The following AAK1 variants were observed in gnomAD, a reference collection of about 807,000 sequenced individuals.
AAK1 encodes AP2-associated protein kinase 1.
A neutral mutation model predicts 116.0 loss-of-function variants in AAK1; 37 were observed. The observed-to-expected ratio is 0.32, with a 90% CI of 0.25 to 0.42. The LOEUF (loss-of-function observed/expected upper bound fraction) is 0.42. AAK1 is among the 10% of genes least tolerant of loss of function. The pLI is 1.00. For missense variants in AAK1, 919 were observed against 1,170.6 expected (o/e 0.79, Z 3.14); for synonymous variants, 458 against 439.9 (o/e 1.04, Z -0.51).
At position 69,530,066 on chromosome 2, in the gene AAK1, A is replaced by G. The variant is rs1394414484; in HGVS notation, c.813T>C (p.Asp271=). 8.7e-6 allele frequency: 14 copies of G among 1,609,878 alleles called. No homozygotes were observed. The highest frequency in any genetic ancestry group is 1.3e-5 in the African/African-American group (1 of 74,880). ...AATTATCAGGAATTGTGAAGTTTCC[A>G]TCACAAATTGCCACCTGACTTTCCC... is the stretch of plus-strand genomic sequence containing the variant. The part of the protein sequence containing the change: ...PFGESQVAIC[D]GNFTIPDNSR... Residue 271 remains aspartate, a synonymous_variant, in exon 8 of 22, where the codon GAT becomes GAC. Transcript: ENST00000409085.
intron 2 of AAK1, among the ~76,000 whole-genome samples, chr2:69,611,797 T>C (rs1053519329): frequency 3.3e-5 from 5 of 152,174 alleles, no homozygotes; most frequent in African/African-American, 1.2e-4. Context: ...AGACATGCAA[T>C]GGAATATTAT....
intron 2 of AAK1, among the ~76,000 whole-genome samples, chr2:69,565,781 C>T (rs1172492419): frequency 6.6e-6 from 1 of 151,690 alleles, no homozygotes; most frequent in Non-Finnish European, 1.5e-5. Context: ...AACCTGGGTG[C>T]ACTATTCAGG....
intron 17 of AAK1, among the ~76,000 whole-genome samples, chr2:69,486,939 G>T (rs1396963522): frequency 2.0e-5 from 3 of 152,102 alleles, no homozygotes; most frequent in Non-Finnish European, 4.4e-5. Flanking sequence ...GTTAGCATTG[G>T]AAAGAACCTC....
At chr2:69,639,442 C>T (rs1316457996) in intron 2 of AAK1, among the ~76,000 whole-genome samples, 1 of 152,158 alleles carries the variant, frequency 6.6e-6, no homozygotes, top group Non-Finnish European at 1.5e-5. Context: ...AAAATATTCT[C>T]CCTGGCACCC....
At chr2:69,598,581 G>A (rs1673413677) in intron 2 of AAK1, 1 of 151,884 alleles carries the variant, frequency 6.6e-6, no homozygotes, top group South Asian at 2.1e-4. Context: ...GTGCAGTGGT[G>A]TGATTTCAGC....
intron 2 of AAK1, among the ~76,000 whole-genome samples, chr2:69,641,146 T>C (rs34204324): frequency 0.14 from 21,281 of 152,170 alleles, 3,203 homozygotes; most frequent in East Asian, 0.39. Flanking sequence ...CCCTATCACT[T>C]CTCTCACACT....
chr2:69,569,037 A>G (rs1383469560), intron 2 of AAK1, among the ~76,000 whole-genome samples: 1 of 152,132 alleles, frequency 6.6e-6, no homozygotes, highest in Non-Finnish European at 1.5e-5. Context: ...GATGCCCCTT[A>G]GCTCAGGCCT....
intron 10 of AAK1, 90 bp from the exon 11 acceptor site, chr2:69,521,078 G>C: frequency 7.2e-7 from 1 of 1,392,110 alleles, no homozygotes; most frequent in Non-Finnish European, 1.0e-6. Context: ...CTTCCACATC[G>C]ACCCAAACCT....
At chr2:69,505,695 C>A in intron 15 of AAK1, 22 bp from the exon 16 acceptor site, 1 of 1,592,452 alleles carries the variant, frequency 6.3e-7, no homozygotes, top group Non-Finnish European at 8.6e-7. Context: ...AAACACCACT[C>A]AGTTCATTCT....
chr2:69,588,488 A>T (rs1047636863), intron 2 of AAK1, among the ~76,000 whole-genome samples: 1 of 152,204 alleles, frequency 6.6e-6, no homozygotes, highest in Non-Finnish European at 1.5e-5. Flanking sequence ...CCTCTCTGTT[A>T]TAACGGTTTG....
In AAK1 at chr2:69,469,055, T is replaced by C. The variant is rs1488628121; in HGVS notation, c.*6814A>G. 2 of 985,308 alleles carry C rather than the reference T, an allele frequency of 2.0e-6. No individual in the cohort carries two copies. Among genetic ancestry groups the C allele is most frequent in the Non-Finnish European group, 2.4e-6 (2 of 829,934 alleles). 61.0% of individuals were successfully genotyped at this position (985,308 alleles called of 1,614,324 possible). On this transcript the variant is annotated 3_prime_UTR_variant, in exon 22 of 22. Coordinates refer to ENST00000409085, the MANE Select transcript of AAK1 (RefSeq NM_014911.5). ...TCCTTCAAAACAAGGACAAGAGCTA[T>C]TTCCTATCTTTCTTTCAGCATCAAC...
At chr2:69,599,134 G>C (rs1331549805) in intron 2 of AAK1, among the ~76,000 whole-genome samples, 1 of 152,122 alleles carries the variant, frequency 6.6e-6, no homozygotes, top group Non-Finnish European at 1.5e-5. Flanking sequence ...TTCAAGTCAG[G>C]CTCTTTAAAG....
chr2:69,572,697 T>C lies in AAK1; in HGVS notation c.164-15719A>G, dbSNP rs1462322518. ...TGAGTCTTGAGTGCCCCTTAAATTC[T>C]GCACTTGAGGCGAGTGGCTCACCCC... On this transcript the variant is annotated intron_variant, in intron 2 of 21. Coordinates refer to ENST00000409085, the MANE Select transcript of AAK1 (RefSeq NM_014911.5). 2.0e-5 allele frequency among the ~76,000 whole-genome samples: 3 copies of C among 151,874 alleles called. No homozygotes were observed. The East Asian group carries it at 5.8e-4, about 29-fold the overall frequency.
intron 2 of AAK1, among the ~76,000 whole-genome samples, chr2:69,616,110 C>G (rs536935629): frequency 6.6e-6 from 1 of 152,018 alleles, no homozygotes; most frequent in Non-Finnish European, 1.5e-5. Context: ...CCTTTTCGGG[C>G]GATGAAAATG....
intron 2 of AAK1, among the ~76,000 whole-genome samples, chr2:69,623,332 C>G (rs1003059622): frequency 2.4e-4 from 36 of 152,178 alleles, no homozygotes; most frequent in Admixed American, 2.3e-3. Context: ...GGACACATTA[C>G]GACTGCCAAA....
chr2:69,548,536 C>T (rs1263329013), intron 3 of AAK1, among the ~76,000 whole-genome samples: 1 of 145,544 alleles, frequency 6.9e-6, no homozygotes, highest in Non-Finnish European at 1.5e-5. Flanking sequence ...CTTTCTCTCT[C>T]TCTTCCTTCC....
chr2:69,587,370 C>A (rs1305858559), intron 2 of AAK1, among the ~76,000 whole-genome samples: 1 of 101,180 alleles, frequency 9.9e-6, no homozygotes, highest in Non-Finnish European at 1.8e-5. Flanking sequence ...TATGCGTGTA[C>A]ACACACATAT....
chr2:69,623,301 G>C (rs1674748812), intron 2 of AAK1, among the ~76,000 whole-genome samples: 1 of 152,132 alleles, frequency 6.6e-6, no homozygotes, highest in Non-Finnish European at 1.5e-5. Context: ...AAGTCAGTAA[G>C]ACCAAGAACC....
intron 6 of AAK1, chr2:69,531,701 G>C: frequency 1.9e-6 from 2 of 1,034,764 alleles, no homozygotes; most frequent in Non-Finnish European, 2.3e-6. Flanking sequence ...TGGTTGTTGT[G>C]ATCATACTTA....
Sources: allele counts gnomAD v4.1 joint callset (sites outside exome capture counted in the v4.1 genomes callset), GRCh38; gene constraint gnomAD v4.1.1; transcripts MANE v1.5; gene names NCBI Gene and HGNC (gene_info 2026-07-23, HGNC 2026-07-21).